Variants in RGS6 observed in about 807,000 individuals in gnomAD.
The protein encoded by RGS6 is regulator of G-protein signaling 6.
In RGS6, 30 loss-of-function variants were observed where a neutral mutation model predicts 78.5. That is an observed-to-expected ratio of 0.38 (90% CI 0.29 to 0.52). The LOEUF (loss-of-function observed/expected upper bound fraction) is 0.52. Among genes scored for constraint, RGS6 ranks in the 20% least tolerant of loss-of-function variants. The probability of loss-of-function intolerance (pLI) is 0.85; values close to 1 mark genes in which losing one functional copy is unlikely to be tolerated. For missense variants in RGS6, 495 were observed against 609.7 expected, an observed-to-expected ratio of 0.81 and a Z score of 1.98; for synonymous variants, 206 against 206.0, an observed-to-expected ratio of 1.00 and a Z score of 0.00.
At chr14:72,085,534 G>A (rs1173404685) in intron 2 of RGS6, among the ~76,000 whole-genome samples, 1 of 152,076 alleles carries the variant, frequency 6.6e-6, no homozygotes, top group Non-Finnish European at 1.5e-5. Context: ...TGTAGAAATT[G>A]GGGCTGTGCT....
the RGS6 span, among the ~76,000 whole-genome samples, chr14:71,920,082 A>G: frequency 6.6e-6 from 1 of 152,240 alleles, no homozygotes; most frequent in South Asian, 2.1e-4. Context: ...AATATTACAC[A>G]GGCAGCTCAC....
chr14:72,251,515 G>A (rs2055769746), intron 2 of RGS6, among the ~76,000 whole-genome samples: 1 of 152,164 alleles, frequency 6.6e-6, no homozygotes, highest in South Asian at 2.1e-4. Context: ...CAATTCAAAA[G>A]TGGTCAGCAT....
intron 12 of RGS6, among the ~76,000 whole-genome samples, chr14:72,482,246 T>C (rs2096396633): frequency 1.3e-5 from 2 of 152,224 alleles, no homozygotes; most frequent in Non-Finnish European, 1.5e-5. Flanking sequence ...GCTTTAAAAC[T>C]GTCAGTGGTC....
At chr14:71,959,979 C>T (rs1407832625) in intron 1 of RGS6, among the ~76,000 whole-genome samples, 1 of 152,202 alleles carries the variant, frequency 6.6e-6, no homozygotes, top group African/African-American at 2.4e-5. Flanking sequence ...CCCAGTCTGA[C>T]TTCAAAGCCC....
chr14:72,274,614 A>T (rs1481838301), intron 2 of RGS6, among the ~76,000 whole-genome samples: 1 of 152,234 alleles, frequency 6.6e-6, no homozygotes, highest in African/African-American at 2.4e-5. Flanking sequence ...GTGAATTACA[A>T]TATGGAGATT....
intron 2 of RGS6, among the ~76,000 whole-genome samples, chr14:72,173,860 C>T (rs1210713669): frequency 6.6e-6 from 1 of 152,090 alleles, no homozygotes; most frequent in East Asian, 1.9e-4. Context: ...GATAATTGAT[C>T]CTCAGCTGCC....
chr14:72,494,892 AG>A lies in RGS6; in HGVS notation c.855-258del, dbSNP rs2096624546. On this transcript the variant is annotated intron_variant, in intron 12 of 17. Coordinates refer to ENST00000553525, the MANE Select transcript of RGS6 (RefSeq NM_001204424.2). ...ACCAGGGAGAGATGCACCAAGGTTC[AG>A]GTAAAGAATCAAGTGAGGAAAAGAT... Among the ~76,000 whole-genome samples, 3 of 152,352 alleles carry A rather than the reference AG, an allele frequency of 2.0e-5. No individual in the cohort carries two copies. In the South Asian group the frequency reaches 6.2e-4, roughly 32 times the overall value.
chr14:72,325,823 G>A (rs1323286709), intron 2 of RGS6, among the ~76,000 whole-genome samples: 1 of 152,032 alleles, frequency 6.6e-6, no homozygotes, highest in Non-Finnish European at 1.5e-5. Flanking sequence ...TAAGACTACT[G>A]AGAGATGCTG....
At position 72,465,835 on chromosome 14, in the gene RGS6, AT is replaced by A. The variant is rs1566915420; in HGVS notation, c.459+17del. On this transcript the variant is annotated intron_variant, in intron 7 of 17. Coordinates refer to ENST00000553525, the MANE Select transcript of RGS6 (RefSeq NM_001204424.2). Reference sequence around the variant, plus strand: ...AGATTATGAAGCAGTAAGTATGATTATTTTCCAGGATACATATAAGAAGAGA... The same window carrying A: ...AGATTATGAAGCAGTAAGTATGATTATTTCCAGGATACATATAAGAAGAGA... 2.5e-6 allele frequency: 4 copies of A among 1,601,986 alleles called. No homozygotes were observed. The highest frequency in any genetic ancestry group is 2.6e-6 in the Non-Finnish European group (3 of 1,169,062).
chr14:72,415,425 G>C (rs7151688), intron 3 of RGS6, among the ~76,000 whole-genome samples: 1 of 152,060 alleles, frequency 6.6e-6, no homozygotes, highest in Admixed American at 6.5e-5. Context: ...CCAATTTTCT[G>C]GGTTCCGTCT....
chr14:71,982,141 C>G (rs181695878), intron 2 of RGS6, among the ~76,000 whole-genome samples: 2 of 152,088 alleles, frequency 1.3e-5, no homozygotes, highest in East Asian at 3.9e-4. Flanking sequence ...CGCCCTGCTT[C>G]GGCTGGCGCA....
intron 3 of RGS6, among the ~76,000 whole-genome samples, chr14:72,404,797 G>A (rs966008969): frequency 7.2e-5 from 11 of 152,170 alleles, no homozygotes; most frequent in Non-Finnish European, 1.5e-4. Context: ...GGAAGTGGGG[G>A]TCCTCCTGCA....
At chr14:72,342,725 CAAAAAA>C (rs58717636) in intron 2 of RGS6, among the ~76,000 whole-genome samples, 2 of 71,414 alleles carry the variant, frequency 2.8e-5, no homozygotes, top group Non-Finnish European at 2.5e-5. Flanking sequence ...GGCTTTGTCT[CAAAAAA>C]AAAAAAAAAA....
chr14:72,499,853 C>T (rs2096698687), intron 13 of RGS6, among the ~76,000 whole-genome samples: 2 of 152,118 alleles, frequency 1.3e-5, no homozygotes, highest in African/African-American at 4.8e-5. Context: ...CACCTCATCC[C>T]TCCAGCTGTT....
chr14:72,304,648 G>A (rs115466300), intron 2 of RGS6, among the ~76,000 whole-genome samples: 1,698 of 152,224 alleles, frequency 0.011, 30 homozygotes, highest in African/African-American at 0.038. Context: ...AGGCCAAGGC[G>A]GGAGTGGATC....
chr14:72,335,340 T>C (rs1168643398), intron 2 of RGS6, among the ~76,000 whole-genome samples: 1 of 152,196 alleles, frequency 6.6e-6, no homozygotes, highest in African/African-American at 2.4e-5. Flanking sequence ...CATCCCTGTT[T>C]GTCCAGGGTT....
Position 71,940,046 on chromosome 14 carries a change from A to G in RGS6, c.-21+7105A>G, listed in dbSNP as rs1412962500. On this transcript the variant is annotated intron_variant, in intron 1 of 17. Coordinates refer to ENST00000553525, the MANE Select transcript of RGS6 (RefSeq NM_001204424.2). ...GGGGAAATGACCACAGGATAAGTCC[A>G]GGGACCCACTGGACACACTATAAGC... Among the ~76,000 whole-genome samples the G allele has an allele frequency of 1.3e-5, 2 of 152,190 alleles. 1 individual carries two copies. The highest frequency in any genetic ancestry group is 2.9e-5 in the Non-Finnish European group (2 of 68,010).
chr14:72,325,186 C>T (rs1354519660), intron 2 of RGS6, among the ~76,000 whole-genome samples: 1 of 152,200 alleles, frequency 6.6e-6, no homozygotes, highest in Non-Finnish European at 1.5e-5. Context: ...CCTTCACCCA[C>T]TTTTTGATGG....
intron 2 of RGS6, among the ~76,000 whole-genome samples, chr14:72,107,796 A>G (rs1035846010): frequency 2.0e-5 from 3 of 152,158 alleles, no homozygotes; most frequent in African/African-American, 7.2e-5. Context: ...AAGGACATAG[A>G]GTATGCTAGA....
Sources: allele counts gnomAD v4.1 joint callset (sites outside exome capture counted in the v4.1 genomes callset), GRCh38; gene constraint gnomAD v4.1.1; transcripts MANE v1.5; gene names NCBI Gene and HGNC (gene_info 2026-07-23, HGNC 2026-07-21).